Variants in LRMDA observed in about 807,000 individuals in gnomAD.
LRMDA encodes the protein leucine-rich melanocyte differentiation-associated protein.
In LRMDA, 18 loss-of-function variants were observed where a neutral mutation model predicts 29.8. The ratio of observed to expected loss-of-function variants is 0.60; its 90% confidence interval spans 0.42 to 0.90. The LOEUF (loss-of-function observed/expected upper bound fraction) is 0.90. LRMDA is among the 40% of genes least tolerant of loss of function. The probability of loss-of-function intolerance (pLI) is 0.00; values close to 1 mark genes in which losing one functional copy is unlikely to be tolerated. For missense variants in LRMDA, 273 were observed against 273.9 expected, an observed-to-expected ratio of 1.00 and a Z score of 0.02; for synonymous variants, 125 against 109.4, an observed-to-expected ratio of 1.14 and a Z score of -0.89.
At chr10:75,887,963 A>AT (rs1845418652) in intron 2 of LRMDA, among the ~76,000 whole-genome samples, 1 of 152,118 alleles carries the variant, frequency 6.6e-6, no homozygotes, top group African/African-American at 2.4e-5. Context: ...CGATCTTTTT[A>AT]TTTTTTCCAC....
At chr10:76,470,438 C>G (rs879601552) in intron 6 of LRMDA, 1 of 152,008 alleles carries the variant, frequency 6.6e-6, no homozygotes, top group Non-Finnish European at 1.5e-5. Flanking sequence ...CAAACAGATA[C>G]TTGTACACCT....
At chr10:76,532,996 A>G (rs1452177695) in intron 6 of LRMDA, among the ~76,000 whole-genome samples, 1 of 152,116 alleles carries the variant, frequency 6.6e-6, no homozygotes, top group Non-Finnish European at 1.5e-5. Flanking sequence ...AGAGTTTTAT[A>G]TCCCATTTTT....
At chr10:75,588,749 T>C (rs1388288705) in intron 2 of LRMDA, among the ~76,000 whole-genome samples, 2 of 152,200 alleles carry the variant, frequency 1.3e-5, no homozygotes, top group African/African-American at 4.8e-5. Context: ...TGACAACCCC[T>C]AAAGGTAACT....
chr10:75,743,582 GT>G (rs1301183936), intron 2 of LRMDA: 2 of 152,210 alleles, frequency 1.3e-5, no homozygotes, highest in Non-Finnish European at 2.9e-5. Context: ...GTTCTGAGAA[GT>G]TTTGAAATAG....
At chr10:75,843,751 C>A (rs538436198) in intron 2 of LRMDA, among the ~76,000 whole-genome samples, 1 of 152,268 alleles carries the variant, frequency 6.6e-6, no homozygotes, top group South Asian at 2.1e-4. Context: ...TTAAGGTCCT[C>A]GTGGTTAAAC....
chr10:75,851,582 A>G (rs1015663945), intron 2 of LRMDA, among the ~76,000 whole-genome samples: 1 of 152,208 alleles, frequency 6.6e-6, no homozygotes, highest in African/African-American at 2.4e-5. Context: ...AGCGACTTCT[A>G]AATAATGCAG....
At position 76,252,291 on chromosome 10, in the gene LRMDA, A is replaced by G. The variant is rs73286981; in HGVS notation, c.517-72110A>G. Among the ~76,000 whole-genome samples the G allele has an allele frequency of 7.2e-3, 1,103 of 152,308 alleles. 14 individuals are homozygous for G. Among genetic ancestry groups the G allele is most frequent in the African/African-American group, 0.024 (1,011 of 41,552 alleles). ...AATTCACCACAAATGTGTCACCATTAAAAGAGGAAAAAAGGATTGCAGATA... is the reference window on the plus strand; with the variant it reads ...AATTCACCACAAATGTGTCACCATTGAAAGAGGAAAAAAGGATTGCAGATA... On this transcript the variant is annotated intron_variant, in intron 5 of 6. Coordinates refer to ENST00000611255, the MANE Select transcript of LRMDA (RefSeq NM_001305581.2).
intron 2 of LRMDA, among the ~76,000 whole-genome samples, chr10:75,926,660 T>G (rs1438899142): frequency 1.3e-5 from 2 of 152,258 alleles, no homozygotes; most frequent in East Asian, 3.8e-4. Flanking sequence ...CCCGTGTTCT[T>G]CAAGCCTGCA....
At chr10:75,678,359 G>A (rs1309314242) in intron 2 of LRMDA, among the ~76,000 whole-genome samples, 1 of 152,112 alleles carries the variant, frequency 6.6e-6, no homozygotes, top group African/African-American at 2.4e-5. Flanking sequence ...TTCTGTGCTG[G>A]GGATTTTATA....
intron 5 of LRMDA, among the ~76,000 whole-genome samples, chr10:76,202,923 C>T (rs1173174610): frequency 6.6e-6 from 1 of 152,216 alleles, no homozygotes; most frequent in African/African-American, 2.4e-5. Context: ...CTTAGCAACA[C>T]TAAATGGCAA....
At chr10:76,181,159 A>G (rs1021580136) in intron 5 of LRMDA, among the ~76,000 whole-genome samples, 2 of 152,164 alleles carry the variant, frequency 1.3e-5, no homozygotes, top group Non-Finnish European at 2.9e-5. Flanking sequence ...CATGTCCAAG[A>G]CACCCTTCTC....
chr10:76,453,407 TG>T (rs1842426370), intron 6 of LRMDA, among the ~76,000 whole-genome samples: 1 of 152,218 alleles, frequency 6.6e-6, no homozygotes, highest in Non-Finnish European at 1.5e-5. Context: ...ACCTCTACTG[TG>T]GGTTATATGA....
chr10:76,178,349 A>C (rs1228967391), intron 5 of LRMDA, among the ~76,000 whole-genome samples: 1 of 152,218 alleles, frequency 6.6e-6, no homozygotes, highest in East Asian at 1.9e-4. Flanking sequence ...TTAAGTTCCC[A>C]GTGAAGTCCT....
At chr10:75,929,538 T>G (rs1451254460) in intron 2 of LRMDA, among the ~76,000 whole-genome samples, 2 of 152,182 alleles carry the variant, frequency 1.3e-5, no homozygotes, top group Non-Finnish European at 2.9e-5. Flanking sequence ...TGGCTAACAG[T>G]TTGCAGAGTA....
At chr10:75,991,973 C>G (rs1847378232) in intron 2 of LRMDA, among the ~76,000 whole-genome samples, 1 of 152,178 alleles carries the variant, frequency 6.6e-6, no homozygotes, top group South Asian at 2.1e-4. Context: ...GCCAAGAAGC[C>G]AAGGCCCAAG....
chr10:76,096,314 A>G (rs1849310635), intron 5 of LRMDA, among the ~76,000 whole-genome samples: 1 of 151,998 alleles, frequency 6.6e-6, no homozygotes. Context: ...GGCATAGGTC[A>G]TGGGTTGTTT....
intron 6 of LRMDA, among the ~76,000 whole-genome samples, chr10:76,405,281 G>C (rs1322543339): frequency 6.6e-6 from 1 of 152,178 alleles, no homozygotes; most frequent in Non-Finnish European, 1.5e-5. Flanking sequence ...TTTCTGACTT[G>C]AAGACAGAGG....
At chr10:75,942,294 T>C (rs984345558) in intron 2 of LRMDA, among the ~76,000 whole-genome samples, 6 of 152,202 alleles carry the variant, frequency 3.9e-5, no homozygotes, top group Non-Finnish European at 8.8e-5. Context: ...ATCCAGAGGC[T>C]GAGCTGTTTA....
chr10:75,752,247 CTG>C, intron 2 of LRMDA, among the ~76,000 whole-genome samples: 1 of 129,658 alleles, frequency 7.7e-6, no homozygotes, highest in Admixed American at 8.7e-5. Context: ...GAGTCTCACT[CTG>C]TCACCCAGGC....
Sources: allele counts gnomAD v4.1 joint callset (sites outside exome capture counted in the v4.1 genomes callset), GRCh38; gene constraint gnomAD v4.1.1; transcripts MANE v1.5; gene names NCBI Gene and HGNC (gene_info 2026-07-23, HGNC 2026-07-21).